CDC14A: variants seen among roughly 807,000 people sequenced by gnomAD.
CDC14A encodes cell division cycle 14A.
In CDC14A, 53 loss-of-function variants were observed where a neutral mutation model predicts 74.4. That is an observed-to-expected ratio of 0.71 (90% CI 0.57 to 0.89). The LOEUF is 0.89. Among genes scored for constraint, CDC14A ranks in the 40% least tolerant of loss-of-function variants. CDC14A has a pLI of 0.00. For synonymous variants in CDC14A, 247 were observed against 258.4 expected (o/e 0.96, Z 0.43); for missense variants, 646 against 713.7 (o/e 0.91, Z 1.08).
In CDC14A at chr1:100,493,647, C is replaced by T. The variant is rs147059672; in HGVS notation, c.1138-1171C>T. 1.0e-3 allele frequency among the ~76,000 whole-genome samples: 156 copies of T among 152,330 alleles called. 1 individual carries two copies. The highest frequency in any genetic ancestry group is 1.7e-3 in the Non-Finnish European group (119 of 68,028). ...GTTGAGCTGGTATTCTTGCACAGGA[C>T]GACCTTTCCTGGGATCTTGGGCTGC... On this transcript the variant is annotated intron_variant, in intron 11 of 15. Transcript: ENST00000336454.
chr1:100,495,212 C>T (rs900957978), intron 12 of CDC14A, among the ~76,000 whole-genome samples: 2 of 152,166 alleles, frequency 1.3e-5, no homozygotes, highest in African/African-American at 4.8e-5. Flanking sequence ...GGATTTCTCC[C>T]CTTCTGCTGT....
chr1:100,493,756 A>G (rs903703244), intron 11 of CDC14A, among the ~76,000 whole-genome samples: 10 of 151,980 alleles, frequency 6.6e-5, no homozygotes, highest in Non-Finnish European at 1.2e-4. Flanking sequence ...TGTGCTTTGC[A>G]TTTCTTTATT....
intron 4 of CDC14A, among the ~76,000 whole-genome samples, chr1:100,419,248 T>C (rs1161800123): frequency 6.6e-6 from 1 of 152,126 alleles, no homozygotes; most frequent in Non-Finnish European, 1.5e-5. Flanking sequence ...AGTCTGGGTA[T>C]TGACTTGATG....
chr1:100,481,566 T>C (rs564270350), intron 10 of CDC14A, among the ~76,000 whole-genome samples: 68 of 152,316 alleles, frequency 4.5e-4, no homozygotes, highest in African/African-American at 1.4e-3. Flanking sequence ...ACTTGGCTCA[T>C]AATAAGCCAA....
intron 1 of CDC14A, among the ~76,000 whole-genome samples, chr1:100,345,647 T>C (rs1570916725): frequency 6.6e-6 from 1 of 152,188 alleles, no homozygotes; most frequent in Non-Finnish European, 1.5e-5. Flanking sequence ...TAATTACTCA[T>C]TTATTTATAC....
chr1:100,393,220 A>G (rs1319919096), intron 4 of CDC14A: 1 of 1,589,548 alleles, frequency 6.3e-7, no homozygotes, highest in Admixed American at 1.7e-5. Context: ...TGCCAGTTTA[A>G]ATCTTGAATA....
chr1:100,399,288 T>C (rs1658944072), intron 4 of CDC14A, among the ~76,000 whole-genome samples: 1 of 152,212 alleles, frequency 6.6e-6, no homozygotes, highest in South Asian at 2.1e-4. Context: ...TTTAACATTT[T>C]AGATTTCTTT....
chr1:100,479,013 G>A (rs908235148), intron 10 of CDC14A, among the ~76,000 whole-genome samples: 2 of 152,050 alleles, frequency 1.3e-5, no homozygotes, highest in African/African-American at 4.8e-5. Context: ...CAATAACAAG[G>A]GTGTTTGGCT....
intron 4 of CDC14A, among the ~76,000 whole-genome samples, chr1:100,396,159 C>T (rs1454837315): frequency 6.6e-6 from 1 of 152,182 alleles, no homozygotes; most frequent in African/African-American, 2.4e-5. Context: ...AGGGGTTAGG[C>T]CGGGTATTCA....
At position 100,363,252 on chromosome 1, in the gene CDC14A, G is replaced by A. The variant is rs541479045; in HGVS notation, c.140+9400G>A. 6 of 152,296 alleles carry A rather than the reference G, an allele frequency of 3.9e-5. No individual in the cohort carries two copies. In the East Asian group the frequency reaches 1.2e-3, roughly 29 times the overall value. The allele number at this position is 152,296 out of a possible 1,614,324, so 9.4% of individuals were successfully genotyped here. A position where few individuals can be genotyped will look rare whatever the true frequency, so the allele number is the denominator to read the frequency against. ...TAGTAGTATTCCTACTGGCACAACT[G>A]CCGACATTCACCTGTGCAAGTTTCC... On this transcript the variant is annotated intron_variant, in intron 2 of 15. Coordinates refer to ENST00000336454, the MANE Select transcript of CDC14A (RefSeq NM_003672.4).
At chr1:100,368,940 A>G (rs1416922014) in intron 2 of CDC14A, among the ~76,000 whole-genome samples, 1 of 152,178 alleles carries the variant, frequency 6.6e-6, no homozygotes, top group Non-Finnish European at 1.5e-5. Context: ...TCTTTTGGAT[A>G]TATACCCAGT....
intron 8 of CDC14A, among the ~76,000 whole-genome samples, chr1:100,459,743 G>C (rs1457804423): frequency 1.3e-5 from 2 of 152,102 alleles, no homozygotes; most frequent in African/African-American, 4.8e-5. Flanking sequence ...TCGGATGAAG[G>C]CTCCATAAGT....
chr1:100,492,955 A>G (rs1230907367), intron 11 of CDC14A, among the ~76,000 whole-genome samples: 1 of 151,912 alleles, frequency 6.6e-6, no homozygotes, highest in Non-Finnish European at 1.5e-5. Context: ...CATATTCTTC[A>G]GTTAGATCCC....
Position 100,462,630 on chromosome 1 carries a change from A to C in CDC14A, c.608-21A>C, listed in dbSNP as rs760757263. Reference sequence around the variant, plus strand: ...AAGATGAAATGCATGCCTTTTGCTTACTGCTCCTTTGTTCCTTTAGGTTAT... The same window carrying C: ...AAGATGAAATGCATGCCTTTTGCTTCCTGCTCCTTTGTTCCTTTAGGTTAT... On this transcript the variant is annotated intron_variant, in intron 8 of 15. Coordinates refer to ENST00000336454, the MANE Select transcript of CDC14A (RefSeq NM_003672.4). 6 of 1,575,242 alleles carry C rather than the reference A, an allele frequency of 3.8e-6. No homozygotes were observed. The South Asian group carries it at 4.4e-5, about 12-fold the overall frequency.
chr1:100,379,517 G>C (rs1655790396), intron 3 of CDC14A, among the ~76,000 whole-genome samples: 1 of 152,178 alleles, frequency 6.6e-6, no homozygotes, highest in Non-Finnish European at 1.5e-5. Context: ...CTAATTAGGA[G>C]AAAAAGATTT....
At chr1:100,509,596 C>T (rs1649541599) in intron 15 of CDC14A, among the ~76,000 whole-genome samples, 1 of 152,192 alleles carries the variant, frequency 6.6e-6, no homozygotes, top group African/African-American at 2.4e-5. Flanking sequence ...ATTTTTATTG[C>T]ACCTTCCTCT....
At position 100,494,905 on chromosome 1, in the gene CDC14A, C is replaced by T. The variant is rs185509955; in HGVS notation, c.1225C>T (p.Arg409Cys). The T allele has an allele frequency of 1.5e-5, 24 of 1,608,282 alleles. No individual in the cohort carries two copies. The highest frequency in any genetic ancestry group is 3.3e-5 in the Admixed American group (2 of 59,976). The change falls in exon 12 of 16, where the codon CGT (arginine) becomes TGT (cysteine). Residue 409 changes from arginine (R) to cysteine (C), a missense_variant. Physicochemically the swap from Arg to Cys is radical, Grantham distance 180. Coordinates refer to ENST00000336454, the MANE Select transcript of CDC14A (RefSeq NM_003672.4). ...TGCCTTAAAAAGTCAGAGACAGCCA[C>T]GTACCTCACCATCCTGTGCATTTAG... ...LRALKSQRQP[R>C]TSPSCAFRSD...
chr1:100,389,100 G>A (rs1298089077), intron 3 of CDC14A, among the ~76,000 whole-genome samples: 1 of 136,952 alleles, frequency 7.3e-6, no homozygotes, highest in Non-Finnish European at 1.5e-5. Context: ...GATTGAGGCT[G>A]AGAGGTCAAG....
At chr1:100,412,698 A>ATATATATATATATATATATATATATTT (rs1389209702) in intron 4 of CDC14A, among the ~76,000 whole-genome samples, 2 of 35,332 alleles carry the variant, frequency 5.7e-5, no homozygotes, top group Non-Finnish European at 1.1e-4. Flanking sequence ...TGTATGTTTT[A>ATATATATATATATATATATATATATTT]TATATATATA....
Sources: allele counts gnomAD v4.1 joint callset (sites outside exome capture counted in the v4.1 genomes callset), GRCh38; gene constraint gnomAD v4.1.1; transcripts MANE v1.5; gene names NCBI Gene and HGNC (gene_info 2026-07-23, HGNC 2026-07-21).